ADAMTSL1: variants seen among roughly 807,000 people sequenced by gnomAD.
ADAMTSL1 encodes the protein ADAMTS-like protein 1.
In ADAMTSL1, 126 loss-of-function variants were observed where a neutral mutation model predicts 201.8. That is an observed-to-expected ratio of 0.62 (90% confidence interval 0.54 to 0.72). The LOEUF is 0.72. Ranked by LOEUF, ADAMTSL1 falls within the 30% of genes least tolerant of loss-of-function variation. The pLI is 0.00. For synonymous variants in ADAMTSL1, 1,121 were observed against 903.4 expected (o/e 1.24, Z -4.32); for missense variants, 2,679 against 2,277.8 (o/e 1.18, Z -3.59).
chr9:18,228,842 GTTTTTTTT>G (rs57580462), intron 2 of ADAMTSL1, among the ~76,000 whole-genome samples: 1 of 139,944 alleles, frequency 7.1e-6, no homozygotes, highest in Non-Finnish European at 1.6e-5. Flanking sequence ...GAGTTTTTTT[GTTTTTTTT>G]TTTTTTGTAG....
intron 4 of ADAMTSL1, among the ~76,000 whole-genome samples, chr9:18,576,309 G>T (rs1011623793): frequency 2.0e-5 from 3 of 152,172 alleles, no homozygotes; most frequent in Non-Finnish European, 4.4e-5. Flanking sequence ...TGGAGAGCCA[G>T]ATAAGACCTA....
chr9:18,174,369 G>A (rs2132139520), intron 2 of ADAMTSL1, among the ~76,000 whole-genome samples: 1 of 152,206 alleles, frequency 6.6e-6, no homozygotes, highest in South Asian at 2.1e-4. Flanking sequence ...GAGTGGTTGG[G>A]GATTCTTCTA....
intron 20 of ADAMTSL1, among the ~76,000 whole-genome samples, chr9:18,815,295 T>C (rs527790694): frequency 3.0e-4 from 45 of 151,770 alleles, no homozygotes; most frequent in African/African-American, 9.7e-4. Flanking sequence ...ATCCAAGATA[T>C]AGAATCAATC....
intron 1 of ADAMTSL1, among the ~76,000 whole-genome samples, chr9:18,064,199 T>C (rs1175864426): frequency 6.6e-6 from 1 of 152,116 alleles, no homozygotes; most frequent in African/African-American, 2.4e-5. Context: ...GGATCCTTTA[T>C]TCAAAAGAGC....
At chr9:18,115,328 G>C (rs896571347) in intron 1 of ADAMTSL1, among the ~76,000 whole-genome samples, 1 of 152,148 alleles carries the variant, frequency 6.6e-6, no homozygotes, top group Non-Finnish European at 1.5e-5. Context: ...GCATGCTGCA[G>C]GCAATTTCTG....
intron 2 of ADAMTSL1, among the ~76,000 whole-genome samples, chr9:18,314,592 A>G (rs535634885): frequency 6.6e-6 from 1 of 150,802 alleles, no homozygotes; most frequent in East Asian, 2.0e-4. Context: ...CATCCCTCCC[A>G]GTGGGTTCAT....
rs374512867 is a variant in ADAMTSL1 at position 18,178,259 on chromosome 9, G to A, written c.207+14278G>A. ...GTTCCCTTTCCTAGTCAAAGAAAGG[G>A]GTGACAGACGGCACCTGGAAAATCG... On this transcript the variant is annotated intron_variant, in intron 2 of 29. Transcript: ENST00000680146. Among the ~76,000 whole-genome samples the A allele has an allele frequency of 2.6e-3, 390 of 152,306 alleles. 2 individuals are homozygous for A. Among genetic ancestry groups the A allele is most frequent in the African/African-American group, 8.9e-3 (369 of 41,570 alleles).
At chr9:18,449,776 C>T (rs1348226547) in intron 2 of ADAMTSL1, among the ~76,000 whole-genome samples, 1 of 152,040 alleles carries the variant, frequency 6.6e-6, no homozygotes, top group East Asian at 1.9e-4. Context: ...ACATGAAAAG[C>T]TTTTTCAACG....
intron 23 of ADAMTSL1, among the ~76,000 whole-genome samples, chr9:18,842,972 T>A (rs1825830133): frequency 6.6e-6 from 1 of 152,178 alleles, no homozygotes; most frequent in Non-Finnish European, 1.5e-5. Flanking sequence ...CACTGATGGG[T>A]CTTGACTCTT....
At chr9:18,688,704 A>ATATC (rs1554730430) in intron 13 of ADAMTSL1, among the ~76,000 whole-genome samples, 5,581 of 72,052 alleles carry the variant, frequency 0.077, 797 homozygotes, top group East Asian at 0.19. Flanking sequence ...ATATATATAT[A>ATATC]TATATGACTG....
chr9:18,651,979 G>C (rs1828300795), intron 7 of ADAMTSL1, among the ~76,000 whole-genome samples: 1 of 151,754 alleles, frequency 6.6e-6, no homozygotes, highest in Admixed American at 6.6e-5. Flanking sequence ...ATCCTATATA[G>C]TATCTTCCCT....
At chr9:17,928,519 G>C (rs943941460) in intron 1 of ADAMTSL1, among the ~76,000 whole-genome samples, 1 of 152,138 alleles carries the variant, frequency 6.6e-6, no homozygotes, top group East Asian at 1.9e-4. Flanking sequence ...GTTTAGTCTT[G>C]TATGTAACCT....
At chr9:18,553,419 T>A (rs1455212019) in intron 3 of ADAMTSL1, among the ~76,000 whole-genome samples, 1 of 151,770 alleles carries the variant, frequency 6.6e-6, no homozygotes, top group African/African-American at 2.4e-5. Context: ...GCTATTTTTG[T>A]CAAGTGTTTT....
intron 23 of ADAMTSL1, among the ~76,000 whole-genome samples, chr9:18,874,717 C>T (rs992102659): frequency 5.3e-5 from 8 of 151,854 alleles, no homozygotes; most frequent in South Asian, 2.1e-4. Context: ...TGTTCACCAG[C>T]GATACTGGTC....
chr9:18,108,407 A>G (rs1260138176), intron 1 of ADAMTSL1, among the ~76,000 whole-genome samples: 1 of 152,006 alleles, frequency 6.6e-6, no homozygotes, highest in African/African-American at 2.4e-5. Flanking sequence ...GCCATATTGC[A>G]CAGGCTGGTC....
intron 4 of ADAMTSL1, among the ~76,000 whole-genome samples, chr9:18,580,397 A>G (rs570750449): frequency 2.0e-5 from 3 of 152,308 alleles, no homozygotes; most frequent in African/African-American, 7.2e-5. Context: ...ACTAGTATCA[A>G]ATGTCCACCA....
chr9:18,295,666 T>C lies in ADAMTSL1; in HGVS notation c.207+131685T>C, dbSNP rs7042423. Among the ~76,000 whole-genome samples, 942 of 152,262 alleles carry C rather than the reference T, an allele frequency of 6.2e-3. 7 individuals carry two copies. The highest frequency in any genetic ancestry group is 0.022 in the African/African-American group (906 of 41,548). On this transcript the variant is annotated intron_variant, in intron 2 of 29. Coordinates refer to the ADAMTSL1 transcript ENST00000680146. ...ACTGTTATTCTTAATCACTTTTGTG[T>C]CTTCATTCCCTTGGAAAATTTCTTG...
intron 1 of ADAMTSL1, among the ~76,000 whole-genome samples, chr9:18,089,162 A>G (rs1823896964): frequency 1.3e-5 from 2 of 152,092 alleles, no homozygotes; most frequent in African/African-American, 4.8e-5. Context: ...CAAAAAACCA[A>G]AAAAAAGAAA....
At chr9:18,825,772 T>TG (rs1484522261) in intron 21 of ADAMTSL1, among the ~76,000 whole-genome samples, 16 of 130,238 alleles carry the variant, frequency 1.2e-4, no homozygotes, top group East Asian at 1.0e-3. Flanking sequence ...TGTTACCAGG[T>TG]TTTTTTTTTT....
Sources: gnomAD v4.1 joint callset for allele counts (sites outside exome capture counted in the v4.1 genomes callset) on GRCh38, gnomAD v4.1.1 for gene constraint, MANE v1.5 for transcripts, NCBI Gene and HGNC (gene_info 2026-07-23, HGNC 2026-07-21) for gene names.